Variants in SGMS2 observed in about 807,000 individuals in gnomAD.
SGMS2 encodes the protein phosphatidylcholine:ceramide cholinephosphotransferase 2.
SGMS2 carries 21 observed loss-of-function variants against 43.8 expected under a neutral mutation model. The observed-to-expected ratio is 0.48, with a 90% CI of 0.34 to 0.69. The LOEUF (loss-of-function observed/expected upper bound fraction) is 0.69. SGMS2 is among the 30% of genes least tolerant of loss of function. The pLI, the probability that SGMS2 is intolerant of heterozygous loss-of-function variation, is 0.01. For missense variants in SGMS2, 384 were observed against 443.2 expected (o/e 0.87, Z 1.20); for synonymous variants, 167 against 160.6 (o/e 1.04, Z -0.30).
intron 2 of SGMS2, among the ~76,000 whole-genome samples, chr4:107,874,845 C>T (rs1728791564): frequency 6.6e-6 from 1 of 151,926 alleles, no homozygotes; most frequent in South Asian, 2.1e-4. Context: ...GTGTCTCTAC[C>T]TCATGTCTTC....
chr4:107,886,309 C>G (rs911472818), intron 2 of SGMS2, among the ~76,000 whole-genome samples: 4 of 150,558 alleles, frequency 2.7e-5, no homozygotes, highest in African/African-American at 4.9e-5. Flanking sequence ...AAGTAATCCT[C>G]TAACCTTAGC....
chr4:107,910,410 T>C lies in SGMS2; in HGVS notation c.955T>C (p.Tyr319His), dbSNP rs759871663. The change falls in exon 7 of 7, where the codon TAT becomes CAT. Residue 319 changes from tyrosine (Y) to histidine (H), a missense_variant. Transcript: ENST00000690982. Reference sequence around the variant, plus strand: ...TCGAGCATGGTGGTTCCCCATCTTTTATTTTTTTGAGAAAAATGTACAAGG... The same window carrying C: ...TCGAGCATGGTGGTTCCCCATCTTTCATTTTTTTGAGAAAAATGTACAAGG... ...LSRAWWFPIFYFFEKNVQGSI... is the reference protein window; with the variant it reads ...LSRAWWFPIFHFFEKNVQGSI... 1 of 1,614,174 alleles carries C rather than the reference T, an allele frequency of 6.2e-7. No individual in the cohort carries two copies. Among genetic ancestry groups the C allele is most frequent in the South Asian group, 1.1e-5 (1 of 91,088 alleles).
chr4:107,906,347 C>T (rs986351542), intron 5 of SGMS2, among the ~76,000 whole-genome samples: 1 of 152,048 alleles, frequency 6.6e-6, no homozygotes, highest in African/African-American at 2.4e-5. Context: ...TTCATACAGT[C>T]GTGCAAATAT....
chr4:107,909,032 TA>T (rs1378922489), intron 6 of SGMS2, among the ~76,000 whole-genome samples: 2 of 152,122 alleles, frequency 1.3e-5, no homozygotes, highest in Non-Finnish European at 2.9e-5. Flanking sequence ...AAAAGCATTG[TA>T]GTGCAGCTGG....
In SGMS2 at chr4:107,910,396, G is replaced by C; in HGVS notation, c.941G>C (p.Trp314Ser). ...ACTAATTTCTTATCTCGAGCATGGT[G>C]GTTCCCCATCTTTTATTTTTTTGAG... ...SQTNFLSRAW[W>S]FPIFYFFEKN... Residue 314 changes from tryptophan (W) to serine (S), a missense_variant, in exon 7 of 7, where the codon TGG becomes TCG. Coordinates refer to ENST00000690982, the MANE Select transcript of SGMS2 (RefSeq NM_001375905.1). 1 of 1,614,048 alleles carries C rather than the reference G, an allele frequency of 6.2e-7. No homozygotes were observed. Among genetic ancestry groups the C allele is most frequent in the Non-Finnish European group, 8.5e-7 (1 of 1,179,980 alleles).
chr4:107,867,308 G>A (rs547595784), intron 2 of SGMS2: 1 of 152,214 alleles, frequency 6.6e-6, no homozygotes. Context: ...AGGAGTTACC[G>A]ACCCAGCCTG....
intron 1 of SGMS2, among the ~76,000 whole-genome samples, chr4:107,835,091 A>G (rs1182169543): frequency 6.6e-6 from 1 of 152,146 alleles, no homozygotes; most frequent in Non-Finnish European, 1.5e-5. Flanking sequence ...GAACCCTGTG[A>G]TAACAATCCT....
At chr4:107,854,858 A>G (rs1727331136) in intron 1 of SGMS2, among the ~76,000 whole-genome samples, 1 of 152,224 alleles carries the variant, frequency 6.6e-6, no homozygotes, top group South Asian at 2.1e-4. Flanking sequence ...CCTGGTCTGC[A>G]GTATTGCTCA....
At chr4:107,829,361 A>G (rs1404918498) in intron 1 of SGMS2, among the ~76,000 whole-genome samples, 1 of 152,148 alleles carries the variant, frequency 6.6e-6, no homozygotes, top group Non-Finnish European at 1.5e-5. Context: ...TTTGATTTCC[A>G]GTGTTAATTT....
intron 1 of SGMS2, among the ~76,000 whole-genome samples, chr4:107,830,038 G>A (rs140842720): frequency 6.6e-6 from 1 of 152,246 alleles, no homozygotes; most frequent in African/African-American, 2.4e-5. Context: ...CCCACCCTCT[G>A]CCCTCAAGTA....
At chr4:107,875,748 ATTAC>A (rs1239284847) in intron 2 of SGMS2, among the ~76,000 whole-genome samples, 1 of 152,222 alleles carries the variant, frequency 6.6e-6, no homozygotes, top group Non-Finnish European at 1.5e-5. Context: ...TACATTGTTT[ATTAC>A]TTCATTTGTG....
intron 1 of SGMS2, among the ~76,000 whole-genome samples, chr4:107,830,028 C>T (rs1282720667): frequency 6.6e-6 from 1 of 152,206 alleles, no homozygotes; most frequent in Non-Finnish European, 1.5e-5. Flanking sequence ...TCACCCTCCT[C>T]CCACCCTCTG....
chr4:107,888,061 C>T (rs891532842), intron 2 of SGMS2, among the ~76,000 whole-genome samples: 1 of 152,086 alleles, frequency 6.6e-6, no homozygotes, highest in African/African-American at 2.4e-5. Context: ...AAAATCAGTT[C>T]CTACAGTCTC....
intron 1 of SGMS2, among the ~76,000 whole-genome samples, chr4:107,839,985 A>T (rs1442763764): frequency 6.6e-6 from 1 of 152,146 alleles, no homozygotes; most frequent in Non-Finnish European, 1.5e-5. Context: ...TTCATTAGTA[A>T]GGCTGTCTTT....
chr4:107,906,435 T>C (rs1731582848), intron 5 of SGMS2, among the ~76,000 whole-genome samples: 1 of 152,220 alleles, frequency 6.6e-6, no homozygotes, highest in South Asian at 2.1e-4. Flanking sequence ...ATCTGGCTAG[T>C]AGAGAACAGT....
chr4:107,848,022 A>G (rs1396873722), intron 1 of SGMS2, among the ~76,000 whole-genome samples: 1 of 152,160 alleles, frequency 6.6e-6, no homozygotes, highest in Non-Finnish European at 1.5e-5. Context: ...TCATTGTAGT[A>G]CTATACAGAA....
At chr4:107,908,326 T>C in intron 5 of SGMS2, 1 of 467,406 alleles carries the variant, frequency 2.1e-6, no homozygotes, top group Middle Eastern at 5.6e-4. Context: ...CTAGAATGTC[T>C]AGTGTTACCA....
chr4:107,895,713 A>C lies in SGMS2; in HGVS notation c.160A>C (p.Lys54Gln), dbSNP rs747876197. The change falls in exon 3 of 7, where the codon AAA becomes CAA. Residue 54 changes from lysine to glutamine, a missense_variant. Physicochemically the swap from Lys to Gln is moderately conservative, Grantham distance 53. Coordinates refer to ENST00000690982, the MANE Select transcript of SGMS2 (RefSeq NM_001375905.1). ...SLSSGLRKGTKKYPDYIQIAM... is the reference protein window; with the variant it reads ...SLSSGLRKGTQKYPDYIQIAM... ...ATCCAGTGGGCTGCGAAAAGGCACC[A>C]AAAAGTACCCGGACTATATCCAAAT... The C allele has an allele frequency of 6.2e-7, 1 of 1,614,000 alleles. No homozygotes were observed. The highest frequency in any genetic ancestry group is 8.5e-7 in the Non-Finnish European group (1 of 1,179,956).
intron 2 of SGMS2, among the ~76,000 whole-genome samples, chr4:107,888,161 T>C (rs533017410): frequency 3.3e-5 from 5 of 152,100 alleles, no homozygotes; most frequent in Non-Finnish European, 7.4e-5. Flanking sequence ...TGCAGTTTAT[T>C]TTGATTGGCA....
Sources: gnomAD v4.1 joint callset for allele counts (sites outside exome capture counted in the v4.1 genomes callset) on GRCh38, gnomAD v4.1.1 for gene constraint, MANE v1.5 for transcripts, NCBI Gene and HGNC (gene_info 2026-07-23, HGNC 2026-07-21) for gene names.